The following KIF1A variants were observed in gnomAD, a reference collection of about 807,000 sequenced individuals.
The protein encoded by KIF1A is kinesin family member 1A, also known as kinesin-like protein KIF1A.
KIF1A carries 46 observed loss-of-function variants against 227.3 expected under a neutral mutation model. That is an observed-to-expected ratio of 0.20 (90% CI 0.16 to 0.26). KIF1A has a LOEUF of 0.26. KIF1A is among the 10% of genes least tolerant of loss of function. The pLI, the probability that KIF1A is intolerant of heterozygous loss-of-function variation, is 1.00. For missense variants in KIF1A, 1,683 were observed against 2,485.9 expected, an observed-to-expected ratio of 0.68 and a Z score of 6.87; for synonymous variants, 1,022 against 1,012.8, an observed-to-expected ratio of 1.01 and a Z score of -0.17.
At chr2:240,809,502 G>C (rs529700297) in intron 1 of KIF1A, among the ~76,000 whole-genome samples, 3 of 152,140 alleles carry the variant, frequency 2.0e-5, no homozygotes, top group Non-Finnish European at 4.4e-5. Flanking sequence ...ACGGACGACC[G>C]AACCAGCGAT....
At chr2:240,771,684 C>T (rs1391472709) in intron 14 of KIF1A, among the ~76,000 whole-genome samples, 2 of 152,290 alleles carry the variant, frequency 1.3e-5, no homozygotes, top group African/African-American at 4.8e-5. Context: ...GGACACCACA[C>T]ACCCCCGAGC....
At chr2:240,771,913 G>C (rs1033430897) in intron 14 of KIF1A, among the ~76,000 whole-genome samples, 1 of 152,184 alleles carries the variant, frequency 6.6e-6, no homozygotes, top group Non-Finnish European at 1.5e-5. Flanking sequence ...TAGCGGAAGC[G>C]AACACACAGC....
intron 32 of KIF1A, 23 bp from the exon 33 acceptor site, chr2:240,744,083 G>A (rs1277861535): frequency 1.4e-5 from 21 of 1,496,074 alleles, no homozygotes; most frequent in Middle Eastern, 1.7e-4. Context: ...CAGGTGGGAG[G>A]ACAGGAGGGC....
intron 1 of KIF1A, chr2:240,818,799 A>C (rs2058505511): frequency 6.6e-6 from 1 of 152,342 alleles, no homozygotes; most frequent in Non-Finnish European, 1.5e-5. Context: ...GGGTGAGGCC[A>C]GTGCCAGCCC....
rs2044672079 is a variant in KIF1A, at chr2:240,717,289, C to T, written c.*75G>A. 10 of 1,403,166 alleles carry T rather than the reference C, an allele frequency of 7.1e-6. No homozygotes were observed. Among genetic ancestry groups the T allele is most frequent in the South Asian group, 4.7e-5 (4 of 85,090 alleles). The allele number at this position is 1,403,166 out of a possible 1,614,324, so 86.9% of individuals were successfully genotyped here. A position where few individuals can be genotyped will look rare whatever the true frequency, so the allele number is the denominator to read the frequency against. Reference sequence around the variant, plus strand: ...GCTGTCTGGCAGGAGAGGGGCTGGGCGGCAGGTGACAGGACAGACGAGGAT... The same window carrying T: ...GCTGTCTGGCAGGAGAGGGGCTGGGTGGCAGGTGACAGGACAGACGAGGAT... On this transcript the variant is annotated 3_prime_UTR_variant, in exon 49 of 49. Transcript: ENST00000498729.
In KIF1A at chr2:240,790,941, C is replaced by A. The variant is rs1172976562; in HGVS notation, c.107-1629G>T. ...GGTGCTTCCTTATGGCAGTTCAGGG[C>A]ACTGAGACCCCCTCTGGCCAAGCGT... On this transcript the variant is annotated intron_variant, in intron 2 of 48. Coordinates refer to ENST00000498729, the MANE Select transcript of KIF1A (RefSeq NM_001244008.2). The surrounding 1 kb of genome is among the most constrained non-coding windows in gnomAD (Gnocchi z 5.0). Among the ~76,000 whole-genome samples, 3 of 152,156 alleles carry A rather than the reference C, an allele frequency of 2.0e-5. No homozygotes were observed. The highest frequency in any genetic ancestry group is 7.2e-5 in the African/African-American group (3 of 41,426).
At chr2:240,817,709 C>T (rs150528323) in intron 1 of KIF1A, among the ~76,000 whole-genome samples, 4 of 152,350 alleles carry the variant, frequency 2.6e-5, no homozygotes, top group African/African-American at 9.6e-5. Flanking sequence ...AGTTCACCTG[C>T]TTTGGCCGGC....
chr2:240,773,145 C>G lies in KIF1A; in HGVS notation c.1149G>C (p.Leu383=). The G allele has an allele frequency of 6.2e-7, 1 of 1,613,820 alleles. No individual in the cohort carries two copies. Among genetic ancestry groups the G allele is most frequent in the Non-Finnish European group, 8.5e-7 (1 of 1,179,784 alleles). ...KDEVTRLRDL[L]YAQGLGDITD... is the part of the protein sequence containing the mutation. ...TGATGTCGCCAAGACCCTGGGCGTA[C>G]AGAAGGTCCCGCAGCCGGGTCACCT... The change falls in exon 13 of 49, where the codon CTG becomes CTC. Residue 383 remains leucine, a synonymous_variant. Coordinates refer to ENST00000498729, the MANE Select transcript of KIF1A (RefSeq NM_001244008.2).
rs547697695 is a variant in KIF1A, at chr2:240,815,617, C to T, written c.-61+4505G>A. ...AATGCGGTACCTGGGCTAGAACAAC[C>T]GGCTCAGCCATGGAAGAGCACTGAC... is the stretch of plus-strand genomic sequence containing the variant. On this transcript the variant is annotated intron_variant, in intron 1 of 48. Transcript: ENST00000498729. Among the ~76,000 whole-genome samples, 8 of 152,298 alleles carry T rather than the reference C, an allele frequency of 5.3e-5. No individual in the cohort carries two copies. The South Asian group carries it at 8.3e-4, about 16-fold the overall frequency.
In KIF1A at chr2:240,778,086, G is replaced by A. The variant is rs74708099; in HGVS notation, c.883-2160C>T. ...TCCCGCTCCCCACGCACTTCCTCGCGTTTCTCCACACGGTTCTTCACGCAG... is the reference window on the plus strand; with the variant it reads ...TCCCGCTCCCCACGCACTTCCTCGCATTTCTCCACACGGTTCTTCACGCAG... On this transcript the variant is annotated intron_variant, in intron 10 of 48. Transcript: ENST00000498729. The surrounding 1 kb of genome is among the most constrained non-coding windows in gnomAD (Gnocchi z 7.2). 0.022 allele frequency among the ~76,000 whole-genome samples: 3,400 copies of A among 151,876 alleles called. 50 individuals are homozygous for A. Among genetic ancestry groups the A allele is most frequent in the Middle Eastern group, 0.069 (20 of 290 alleles).
chr2:240,819,311 G>T (rs1294195091), intron 1 of KIF1A, among the ~76,000 whole-genome samples: 1 of 152,176 alleles, frequency 6.6e-6, no homozygotes, highest in African/African-American at 2.4e-5. Context: ...CCTAGACCCT[G>T]CGGCCCCGCA....
rs1559494216 is a variant in KIF1A, at chr2:240,744,071, G to A, written c.3466-11C>T. 1.3e-6 allele frequency: 2 copies of A among 1,582,362 alleles called. No homozygotes were observed. Among genetic ancestry groups the A allele is most frequent in the Admixed American group, 3.3e-5 (2 of 59,974 alleles). On this transcript the variant is annotated splice_polypyrimidine_tract_variant and intron_variant, in intron 32 of 48. Coordinates refer to ENST00000498729, the MANE Select transcript of KIF1A (RefSeq NM_001244008.2). ...CACCTCCACTGCGATCTGGTGGGCAGGCAGGTGGGAGGACAGGAGGGCACG... is the reference window on the plus strand; with the variant it reads ...CACCTCCACTGCGATCTGGTGGGCAAGCAGGTGGGAGGACAGGAGGGCACG...
At chr2:240,759,141 ATGAGTGTGTGTG>A (rs2125880191) in intron 25 of KIF1A, among the ~76,000 whole-genome samples, 1 of 98,422 alleles carries the variant, frequency 1.0e-5, no homozygotes, top group African/African-American at 4.3e-5. Context: ...ATGAATGCTT[ATGAGTGTGTGTG>A]TGTGTGTGTG....
In KIF1A at chr2:240,792,771, C is replaced by T. The variant is rs180673089; in HGVS notation, c.107-3459G>A. Among the ~76,000 whole-genome samples, 57 of 152,132 alleles carry T rather than the reference C, an allele frequency of 3.7e-4. 1 individual carries two copies. In the East Asian group the frequency reaches 5.4e-3, roughly 14 times the overall value. ...GCCTTGTGAAGTGATGAGGATGAGA[C>T]GAAGCCACGAAGTCAGGGACCTCAT... On this transcript the variant is annotated intron_variant, in intron 2 of 48. Transcript: ENST00000498729. This position sits in a 1 kb window ranked among gnomAD's most constrained non-coding sequence, Gnocchi z 4.5.
Position 240,723,509 on chromosome 2 carries a change from G to A in KIF1A, c.4368C>T (p.Val1456=), listed in dbSNP as rs2045644905. The part of the protein sequence containing the change: ...RRVLDTSVAY[V]RGEENLAGWR... ...AGCCTGCCAGGTTCTCCTCGCCCCGGACATAGGCCACAGATGTGTCCAGGA... is the reference window on the plus strand; with the variant it reads ...AGCCTGCCAGGTTCTCCTCGCCCCGAACATAGGCCACAGATGTGTCCAGGA... Residue 1456 remains valine (V), a synonymous_variant, in exon 42 of 49, where the codon GTC becomes GTT. Transcript: ENST00000498729. 1.9e-6 allele frequency: 3 copies of A among 1,552,272 alleles called. No homozygotes were observed. The highest frequency in any genetic ancestry group is 2.4e-5 in the South Asian group (2 of 84,112).
In KIF1A at chr2:240,773,185, C is replaced by T. The variant is rs1397376358; in HGVS notation, c.1109G>A (p.Arg370His). ...CCGGGTCACCTCATCCTTCAGCTCGCGGATCAGCTTGTTGTTGGGGTCCTC... is the reference window on the plus strand; with the variant it reads ...CCGGGTCACCTCATCCTTCAGCTCGTGGATCAGCTTGTTGTTGGGGTCCTC... Reference protein sequence around the residue: ...INEDPNNKLIRELKDEVTRLR... With the variant: ...INEDPNNKLIHELKDEVTRLR... The change falls in exon 13 of 49, where the codon CGC becomes CAC. Residue 370 changes from arginine to histidine, a missense_variant. Physicochemically the swap from Arg to His is conservative, Grantham distance 29. Transcript: ENST00000498729. The T allele has an allele frequency of 2.5e-6, 4 of 1,613,952 alleles. No individual in the cohort carries two copies. The highest frequency in any genetic ancestry group is 2.2e-5 in the East Asian group (1 of 44,876).
chr2:240,778,389 A>G lies in KIF1A; in HGVS notation c.883-2463T>C, dbSNP rs965835180. Among the ~76,000 whole-genome samples the G allele has an allele frequency of 6.6e-5, 10 of 151,298 alleles. No homozygotes were observed. The highest frequency in any genetic ancestry group is 2.4e-4 in the African/African-American group (10 of 41,102). ...CACACTCGCTCTCACGGTTCCTCAC[A>G]GCTCCAGAGAAACTTGCCCACATTC... is the stretch of plus-strand genomic sequence containing the variant. On this transcript the variant is annotated intron_variant, in intron 10 of 48. Coordinates refer to ENST00000498729, the MANE Select transcript of KIF1A (RefSeq NM_001244008.2). This position sits in a 1 kb window ranked among gnomAD's most constrained non-coding sequence, Gnocchi z 7.2.
Position 240,718,072 on chromosome 2 carries a change from G to T in KIF1A, c.5311C>A (p.Pro1771Thr), listed in dbSNP as rs1373164318. The stretch of plus-strand genomic sequence containing the variant: ...TACCGTATGGTCCCGGCCAGGAGGG[G>T]GTTGAAGGCGTACAGCCAGTCATGC... Reference protein sequence around the residue: ...DMHDWLYAFNPLLAGTIRSKL... With the variant: ...DMHDWLYAFNTLLAGTIRSKL... The change falls in exon 48 of 49, where the codon CCC (proline) becomes ACC (threonine). Residue 1771 changes from proline to threonine, a missense_variant. Transcript: ENST00000498729. 1 of 1,610,512 alleles carries T rather than the reference G, an allele frequency of 6.2e-7. No homozygotes were observed. Among genetic ancestry groups the T allele is most frequent in the South Asian group, 1.1e-5 (1 of 90,544 alleles).
chr2:240,811,807 G>A (rs1024784617), intron 1 of KIF1A, among the ~76,000 whole-genome samples: 1 of 152,172 alleles, frequency 6.6e-6, no homozygotes, highest in African/African-American at 2.4e-5. Flanking sequence ...GAAGCTGGTG[G>A]TGGCAGGGTG....
Sources: gnomAD v4.1 joint callset for allele counts (sites outside exome capture counted in the v4.1 genomes callset) on GRCh38, gnomAD v4.1.1 for gene constraint, Gnocchi (gnomAD v3.1) non-coding constraint, MANE v1.5 for transcripts, NCBI Gene and HGNC (gene_info 2026-07-23, HGNC 2026-07-21) for gene names.